B4GALT5: variants seen among roughly 807,000 people sequenced by gnomAD.
The protein encoded by B4GALT5 is UDP-Gal:beta-GlcNAc beta-1,4-galactosyltransferase 5.
Under a neutral mutation model 45.0 loss-of-function variants are expected in B4GALT5, and 11 were observed. The observed-to-expected ratio is 0.24, with a 90% confidence interval of 0.15 to 0.40. The LOEUF is 0.40. Among genes scored for constraint, B4GALT5 ranks in the 10% least tolerant of loss-of-function variants. The pLI is 1.00. For missense variants in B4GALT5, 337 were observed against 500.2 expected, an observed-to-expected ratio of 0.67 and a Z score of 3.11; for synonymous variants, 185 against 182.9, an observed-to-expected ratio of 1.01 and a Z score of -0.09.
chr20:49,658,542 T>C (rs1405635919), intron 1 of B4GALT5, among the ~76,000 whole-genome samples: 1 of 152,210 alleles, frequency 6.6e-6, no homozygotes, highest in African/African-American at 2.4e-5. Context: ...GTAAAGCTTA[T>C]AGTAAGGTGC....
chr20:49,710,911 T>C (rs1468700080), intron 1 of B4GALT5, among the ~76,000 whole-genome samples: 1 of 151,934 alleles, frequency 6.6e-6, no homozygotes, highest in East Asian at 1.9e-4. Flanking sequence ...AGATCCTGTC[T>C]CTACAAAAAA....
chr20:49,698,082 G>A (rs1178032690), intron 1 of B4GALT5, among the ~76,000 whole-genome samples: 1 of 152,128 alleles, frequency 6.6e-6, no homozygotes, highest in Non-Finnish European at 1.5e-5. Flanking sequence ...AGCTACTCGA[G>A]AGGCAGAGGC....
intron 1 of B4GALT5, among the ~76,000 whole-genome samples, chr20:49,685,584 G>C (rs1421707759): frequency 6.6e-6 from 1 of 152,050 alleles, no homozygotes; most frequent in African/African-American, 2.4e-5. Flanking sequence ...ACAATCATTT[G>C]TCCCATTTCC....
intron 1 of B4GALT5, among the ~76,000 whole-genome samples, chr20:49,701,336 T>C (rs1454660470): frequency 1.3e-5 from 2 of 152,138 alleles, no homozygotes; most frequent in Non-Finnish European, 2.9e-5. Flanking sequence ...GTTCAGCTGA[T>C]ATCAGAAAAA....
chr20:49,653,446 A>T (rs2085630294), intron 2 of B4GALT5, among the ~76,000 whole-genome samples: 1 of 152,226 alleles, frequency 6.6e-6, no homozygotes, highest in Non-Finnish European at 1.5e-5. Context: ...AAAATAACTT[A>T]CCAAGTGCTT....
rs1022261249 is a variant in B4GALT5, at chr20:49,635,661, T to C, written c.*651A>G. On this transcript the variant is annotated 3_prime_UTR_variant, in exon 9 of 9. Coordinates refer to ENST00000371711, the MANE Select transcript of B4GALT5 (RefSeq NM_004776.4). ...TTTGAATTGGAGCCAGCTAGAAAAT[T>C]AAATTTTAAAAAGGCATTTTACATG... The C allele has an allele frequency of 3.3e-5, 5 of 152,598 alleles. No individual in the cohort carries two copies. Among genetic ancestry groups the C allele is most frequent in the African/African-American group, 9.7e-5 (4 of 41,438 alleles). The allele number at this position is 152,598 out of a possible 1,614,324, so 9.5% of individuals were successfully genotyped here.
At position 49,642,496 on chromosome 20, in the gene B4GALT5, A is replaced by AGGCGCT. The variant is rs1237035895; in HGVS notation, c.577_578insAGCGCC (p.Arg192_Leu193insTer). On this transcript the variant is annotated stop_gained, in exon 5 of 9. Coordinates refer to ENST00000371711, the MANE Select transcript of B4GALT5 (RefSeq NM_004776.4). LOFTEE classifies it high-confidence loss of function. ...TTCAACCACATAAAATGCAAACTGC[A>AGGCGCT]AGCGCTGGCGCTGGAGCATGGGAAG... 6.2e-7 allele frequency: 1 copy of AGGCGCT among 1,613,946 alleles called. No individual in the cohort carries two copies. Among genetic ancestry groups the AGGCGCT allele is most frequent in the Non-Finnish European group, 8.5e-7 (1 of 1,179,874 alleles).
intron 2 of B4GALT5, among the ~76,000 whole-genome samples, chr20:49,651,891 C>A (rs377383536): frequency 1.4e-3 from 213 of 152,216 alleles, no homozygotes; most frequent in African/African-American, 5.0e-3. Flanking sequence ...CCAGCCTGGG[C>A]AACATGATGA....
Position 49,686,132 on chromosome 20 carries a change from G to C in B4GALT5, c.115+27444C>G, listed in dbSNP as rs149682097. Among the ~76,000 whole-genome samples the C allele has an allele frequency of 2.6e-5, 4 of 152,300 alleles. No individual in the cohort carries two copies. In the East Asian group the frequency reaches 5.8e-4, roughly 22 times the overall value. On this transcript the variant is annotated intron_variant, in intron 1 of 8. Coordinates refer to ENST00000371711, the MANE Select transcript of B4GALT5 (RefSeq NM_004776.4). ...AAAATGTCCGCAGAATAAGAGAAAG[G>C]GGAGCTAACAGCTTAAATTATTTTT... is the stretch of plus-strand genomic sequence containing the variant.
In B4GALT5 at chr20:49,635,451, G is replaced by GGGA. The variant is rs2085548574; in HGVS notation, c.*860_*861insTCC. 5 of 151,934 alleles carry GGGA rather than the reference G, an allele frequency of 3.3e-5. No homozygotes were observed. The highest frequency in any genetic ancestry group is 2.0e-4 in the Admixed American group (3 of 15,246). The allele number at this position is 151,934 out of a possible 1,614,324, so 9.4% of individuals were successfully genotyped here. Reference sequence around the variant, plus strand: ...TCAAGGGCAAGACTCGTGGGGGGGGGAAGAAAGGGACAGAAGCCAGCTCCC... The same window carrying GGGA: ...TCAAGGGCAAGACTCGTGGGGGGGGGGGAAAGAAAGGGACAGAAGCCAGCTCCC... On this transcript the variant is annotated 3_prime_UTR_variant, in exon 9 of 9. Transcript: ENST00000371711.
At chr20:49,655,356 G>A (rs191021759) in intron 2 of B4GALT5, among the ~76,000 whole-genome samples, 144 of 151,414 alleles carry the variant, frequency 9.5e-4, no homozygotes, top group African/African-American at 3.2e-3. Flanking sequence ...AGTTGAACCC[G>A]GGAGGTGGAG....
intron 1 of B4GALT5, among the ~76,000 whole-genome samples, chr20:49,698,105 T>A (rs2085846794): frequency 6.6e-6 from 1 of 152,160 alleles, no homozygotes; most frequent in African/African-American, 2.4e-5. Context: ...GCAGATTACC[T>A]GAAGTCAGGA....
chr20:49,653,736 A>C (rs1485569310), intron 2 of B4GALT5, among the ~76,000 whole-genome samples: 1 of 152,264 alleles, frequency 6.6e-6, no homozygotes, highest in African/African-American at 2.4e-5. Flanking sequence ...ACAGACTTCC[A>C]ATCTATTAGA....
intron 1 of B4GALT5, among the ~76,000 whole-genome samples, chr20:49,686,802 G>C (rs2085787810): frequency 1.3e-5 from 2 of 150,410 alleles, no homozygotes; most frequent in Non-Finnish European, 2.9e-5. Context: ...ACAAGGCTGA[G>C]GTGGAAGGAT....
chr20:49,710,418 T>TTGTG (rs893816324), intron 1 of B4GALT5, among the ~76,000 whole-genome samples: 1 of 148,498 alleles, frequency 6.7e-6, no homozygotes, highest in Non-Finnish European at 1.5e-5. Context: ...TTTTTTTTTT[T>TTGTG]TGTGTGTGTG....
chr20:49,656,762 TA>T, intron 1 of B4GALT5, 60 bp from the exon 2 acceptor site: 1 of 1,610,796 alleles, frequency 6.2e-7, no homozygotes, highest in Non-Finnish European at 8.5e-7. Context: ...TAAAAAAACA[TA>T]CCACATAGCT....
intron 3 of B4GALT5, among the ~76,000 whole-genome samples, chr20:49,644,860 ATATT>A (rs2085592580): frequency 6.6e-6 from 1 of 152,194 alleles, no homozygotes; most frequent in South Asian, 2.1e-4. Flanking sequence ...TATTTTCACT[ATATT>A]TGTGCATAAA....
intron 3 of B4GALT5, among the ~76,000 whole-genome samples, chr20:49,644,153 C>T (rs1277021881): frequency 6.6e-6 from 1 of 152,002 alleles, no homozygotes; most frequent in Non-Finnish European, 1.5e-5. Context: ...TCTCGAACTC[C>T]TGACCTCAAG....
At chr20:49,700,614 C>CA (rs1300938159) in intron 1 of B4GALT5, among the ~76,000 whole-genome samples, 1 of 152,082 alleles carries the variant, frequency 6.6e-6, no homozygotes, top group East Asian at 1.9e-4. Context: ...GATTAAAATT[C>CA]AAAAGTATTA....
Sources: gnomAD v4.1 joint callset for allele counts (sites outside exome capture counted in the v4.1 genomes callset) on GRCh38, gnomAD v4.1.1 for gene constraint, MANE v1.5 for transcripts, NCBI Gene and HGNC (gene_info 2026-07-23, HGNC 2026-07-21) for gene names.